Variants in AGBL4 observed in about 807,000 individuals in gnomAD.
The protein encoded by AGBL4 is cytosolic carboxypeptidase 6.
AGBL4 carries 58 observed loss-of-function variants against 66.4 expected under a neutral mutation model. The ratio of observed to expected loss-of-function variants is 0.87; its 90% CI spans 0.71 to 1.09. AGBL4 has a LOEUF of 1.09. Among genes scored for constraint, AGBL4 ranks in the 50% least tolerant of loss-of-function variants. The probability of loss-of-function intolerance (pLI) is 0.00; values close to 1 mark genes in which losing one functional copy is unlikely to be tolerated. For missense variants in AGBL4, 579 were observed against 631.0 expected (o/e 0.92, Z 0.88); for synonymous variants, 234 against 222.9 (o/e 1.05, Z -0.44).
chr1:49,100,084 A>G (rs1645173789), intron 4 of AGBL4, among the ~76,000 whole-genome samples: 1 of 152,162 alleles, frequency 6.6e-6, no homozygotes, highest in South Asian at 2.1e-4. Context: ...CAAAAACTGA[A>G]GAGGAAATTA....
chr1:49,503,350 C>A (rs540157597), intron 3 of AGBL4, among the ~76,000 whole-genome samples: 1 of 152,260 alleles, frequency 6.6e-6, no homozygotes, highest in South Asian at 2.1e-4. Flanking sequence ...AGGGGCAGAG[C>A]CCTCATGAAG....
chr1:49,129,048 T>G (rs942589632), intron 4 of AGBL4, among the ~76,000 whole-genome samples: 6 of 151,998 alleles, frequency 3.9e-5, no homozygotes, highest in Non-Finnish European at 7.4e-5. Context: ...GCAAAAGATT[T>G]AAATAGACAT....
chr1:50,018,517 CTAA>C (rs1187311504), intron 1 of AGBL4, among the ~76,000 whole-genome samples: 1 of 152,042 alleles, frequency 6.6e-6, no homozygotes, highest in East Asian at 1.9e-4. Flanking sequence ...AATTTAACAA[CTAA>C]TAAAAATACT....
chr1:49,343,510 A>G (rs1023545607), intron 3 of AGBL4, among the ~76,000 whole-genome samples: 2 of 152,186 alleles, frequency 1.3e-5, no homozygotes, highest in African/African-American at 2.4e-5. Context: ...AGCCACCTGG[A>G]AAGTATAAAC....
At chr1:49,025,767 G>A (rs1272252097) in intron 5 of AGBL4, 1 of 152,048 alleles carries the variant, frequency 6.6e-6, no homozygotes, top group East Asian at 1.9e-4. Flanking sequence ...TGAGAAAATT[G>A]CATTCATAGT....
intron 5 of AGBL4, among the ~76,000 whole-genome samples, chr1:48,984,149 G>T (rs76322393): frequency 7.7e-4 from 117 of 152,126 alleles, no homozygotes; most frequent in African/African-American, 2.8e-3. Context: ...CAAAGAAAAA[G>T]CTCAGGGAAA....
chr1:48,963,501 CTTT>C (rs1170684735), intron 5 of AGBL4, among the ~76,000 whole-genome samples: 2 of 144,024 alleles, frequency 1.4e-5, no homozygotes, highest in African/African-American at 2.6e-5. Flanking sequence ...TAGAATTCAT[CTTT>C]TTTTTTTTTT....
At chr1:49,963,335 T>G (rs942849918) in intron 1 of AGBL4, among the ~76,000 whole-genome samples, 1 of 152,064 alleles carries the variant, frequency 6.6e-6, no homozygotes, top group African/African-American at 2.4e-5. Flanking sequence ...CAGTGAGTGT[T>G]TGCTAGTTGC....
At chr1:48,811,930 G>A (rs955978475) in intron 6 of AGBL4, among the ~76,000 whole-genome samples, 11 of 152,278 alleles carry the variant, frequency 7.2e-5, no homozygotes, top group African/African-American at 2.4e-4. Context: ...GAAAGATAAG[G>A]AACCGTTCAG....
At chr1:49,697,764 G>GT (rs1228716548) in intron 2 of AGBL4, among the ~76,000 whole-genome samples, 1 of 152,066 alleles carries the variant, frequency 6.6e-6, no homozygotes, top group Non-Finnish European at 1.5e-5. Flanking sequence ...GCAAACTTTG[G>GT]TTTCTTACAT....
rs528158283 is a variant in AGBL4, at chr1:49,887,189, A to G, written c.35-35671T>C. Among the ~76,000 whole-genome samples, 77 of 139,552 alleles carry G rather than the reference A, an allele frequency of 5.5e-4. 1 individual carries two copies. Among genetic ancestry groups the G allele is most frequent in the Middle Eastern group, 3.8e-3 (1 of 262 alleles). The allele number at this position is 139,552 out of a possible 152,430, so 91.6% of individuals were successfully genotyped here. The stretch of plus-strand genomic sequence containing the variant: ...ATATATATACATTGTATATATATAT[A>G]TGTGTATGTATATATATATACATTG... On this transcript the variant is annotated intron_variant, in intron 1 of 13. Coordinates refer to ENST00000371839, the MANE Select transcript of AGBL4 (RefSeq NM_032785.4).
chr1:48,534,422 C>A (rs1409216421), intron 13 of AGBL4, 129 bp from the exon 14 acceptor site: 3 of 1,290,342 alleles, frequency 2.3e-6, no homozygotes, highest in Admixed American at 5.8e-5. Context: ...AGTCTTCTTC[C>A]CACAGACACT....
Position 49,427,423 on chromosome 1 carries a change from T to C in AGBL4, c.283-181559A>G, listed in dbSNP as rs373194355. Among the ~76,000 whole-genome samples, 239 of 152,224 alleles carry C rather than the reference T, an allele frequency of 1.6e-3. 1 individual carries two copies. Among genetic ancestry groups the C allele is most frequent in the African/African-American group, 4.9e-3 (204 of 41,544 alleles). On this transcript the variant is annotated intron_variant, in intron 3 of 13. Transcript: ENST00000371839. ...AAGCTTGGAATACCATGAGGGATAA[T>C]GTAGAGAATGAAAACAATTTCCTGG...
intron 3 of AGBL4, among the ~76,000 whole-genome samples, chr1:49,544,079 A>G (rs1652286374): frequency 6.6e-6 from 1 of 152,188 alleles, no homozygotes; most frequent in African/African-American, 2.4e-5. Context: ...ATCTCTACAT[A>G]CAATGACTCA....
At chr1:49,323,495 C>T (rs1473908468) in intron 3 of AGBL4, among the ~76,000 whole-genome samples, 2 of 148,084 alleles carry the variant, frequency 1.4e-5, no homozygotes, top group Admixed American at 6.8e-5. Flanking sequence ...CGAGGTTTCA[C>T]CATGTTGCCC....
At chr1:49,225,603 C>T (rs754987512) in intron 4 of AGBL4, among the ~76,000 whole-genome samples, 38 of 152,256 alleles carry the variant, frequency 2.5e-4, no homozygotes, top group Non-Finnish European at 5.1e-4. Context: ...AGAGAAGCTG[C>T]CAAATTGGCT....
chr1:49,277,917 T>C (rs1644201862), intron 3 of AGBL4, among the ~76,000 whole-genome samples: 1 of 152,184 alleles, frequency 6.6e-6, no homozygotes, highest in Admixed American at 6.6e-5. Flanking sequence ...TCAACCTTTT[T>C]CTAATTGATT....
intron 6 of AGBL4, among the ~76,000 whole-genome samples, chr1:48,669,550 C>T (rs1160455874): frequency 1.3e-5 from 2 of 152,190 alleles, no homozygotes; most frequent in Non-Finnish European, 2.9e-5. Context: ...TCAAGAACCA[C>T]TCTCCTACAA....
At chr1:49,490,924 T>C (rs1474571853) in intron 3 of AGBL4, among the ~76,000 whole-genome samples, 2 of 151,720 alleles carry the variant, frequency 1.3e-5, no homozygotes, top group Non-Finnish European at 2.9e-5. Flanking sequence ...TAATTTTGGA[T>C]CAATTATATC....
Sources: gnomAD v4.1 joint callset for allele counts (sites outside exome capture counted in the v4.1 genomes callset) on GRCh38, gnomAD v4.1.1 for gene constraint, MANE v1.5 for transcripts, NCBI Gene and HGNC (gene_info 2026-07-23, HGNC 2026-07-21) for gene names.